RNF220: variants seen among roughly 807,000 people sequenced by gnomAD.
RNF220 encodes E3 ubiquitin-protein ligase RNF220.
Under a neutral mutation model 67.1 loss-of-function variants are expected in RNF220, and 7 were observed. The ratio of observed to expected loss-of-function variants is 0.10; its 90% CI spans 0.06 to 0.20. RNF220 has a LOEUF of 0.20. RNF220 is among the 10% of genes least tolerant of loss of function. The pLI is 1.00. For synonymous variants in RNF220, 270 were observed against 283.2 expected (o/e 0.95, Z 0.47); for missense variants, 565 against 740.3 (o/e 0.76, Z 2.75).
At chr1:44,637,660 A>G (rs1241577892) in intron 8 of RNF220, among the ~76,000 whole-genome samples, 1 of 152,234 alleles carries the variant, frequency 6.6e-6, no homozygotes. Context: ...TGATTTGACA[A>G]GAGTATTTCC....
At chr1:44,551,335 G>A (rs1041893265) in intron 2 of RNF220, among the ~76,000 whole-genome samples, 3 of 151,784 alleles carry the variant, frequency 2.0e-5, no homozygotes, top group Admixed American at 6.6e-5. Flanking sequence ...GGCTGGTCTC[G>A]AACTCCCGAC....
intron 2 of RNF220, among the ~76,000 whole-genome samples, chr1:44,421,731 TTC>T (rs952962223): frequency 1.4e-4 from 21 of 152,100 alleles, no homozygotes; most frequent in African/African-American, 4.8e-4. Context: ...CTCAGTGTTT[TTC>T]TCTTTGTAGA....
chr1:44,609,990 G>T (rs1172609372), intron 2 of RNF220, among the ~76,000 whole-genome samples: 1 of 152,206 alleles, frequency 6.6e-6, no homozygotes, highest in African/African-American at 2.4e-5. Context: ...GGCTGAGGAT[G>T]GGGTCAGAGC....
chr1:44,468,774 G>A (rs1400830396), intron 2 of RNF220, among the ~76,000 whole-genome samples: 4 of 152,008 alleles, frequency 2.6e-5, no homozygotes, highest in South Asian at 2.1e-4. Flanking sequence ...AAAATTAGCC[G>A]GGCATGGTGA....
chr1:44,550,372 G>A (rs575295379), intron 2 of RNF220, among the ~76,000 whole-genome samples: 1 of 152,314 alleles, frequency 6.6e-6, no homozygotes, highest in African/African-American at 2.4e-5. Context: ...GTGTCTCTCG[G>A]GCTGCACATT....
chr1:44,574,580 G>A (rs568452564), intron 2 of RNF220, among the ~76,000 whole-genome samples: 1 of 152,318 alleles, frequency 6.6e-6, no homozygotes, highest in East Asian at 1.9e-4. Flanking sequence ...AGAGCCTAAA[G>A]CCTGGCCCTT....
intron 2 of RNF220, among the ~76,000 whole-genome samples, chr1:44,556,457 G>T (rs756522243): frequency 8.0e-5 from 12 of 150,666 alleles, no homozygotes; most frequent in Non-Finnish European, 1.8e-4. Flanking sequence ...CTCTCTACCT[G>T]CTGTCCTCTG....
At position 44,649,742 on chromosome 1, in the gene RNF220, G is replaced by A. The variant is rs1293560556; in HGVS notation, c.1527G>A (p.Gly509=). The change falls in exon 13 of 15, where the codon GGG becomes GGA. Residue 509 remains glycine, a synonymous_variant. Coordinates refer to ENST00000361799, the MANE Select transcript of RNF220 (RefSeq NM_018150.4). This position sits in a 1 kb window ranked among gnomAD's most constrained non-coding sequence, Gnocchi z 5.9. ...AACTTGAACGGCAGCTATCTCGTGG[G>A]GACCGTTACAAATGCCTCATCTGCA... ...VRELERQLSR[G]DRYKCLICMD... The A allele has an allele frequency of 6.2e-7, 1 of 1,613,916 alleles. No homozygotes were observed. Among genetic ancestry groups the A allele is most frequent in the Non-Finnish European group, 8.5e-7 (1 of 1,179,972 alleles).
chr1:44,582,790 G>A (rs1359903874), intron 2 of RNF220, among the ~76,000 whole-genome samples: 1 of 148,116 alleles, frequency 6.8e-6, no homozygotes, highest in African/African-American at 2.5e-5. Context: ...TTGGGAGGCC[G>A]AGGCGGGTGG....
chr1:44,606,402 G>T lies in RNF220; in HGVS notation c.626-7763G>T, dbSNP rs12129788. Among the ~76,000 whole-genome samples the T allele has an allele frequency of 0.2, 31,024 of 152,140 alleles. 3,915 individuals are homozygous for T. The highest frequency in any genetic ancestry group is 0.29 in the Non-Finnish European group (19,694 of 67,946). Reference sequence around the variant, plus strand: ...GAGAAGGAGGAAGGGACTGAGTGAGGGGAGAGTGGATGAGTAATTAGGTGG... The same window carrying T: ...GAGAAGGAGGAAGGGACTGAGTGAGTGGAGAGTGGATGAGTAATTAGGTGG... On this transcript the variant is annotated intron_variant, in intron 2 of 14. Transcript: ENST00000361799. The surrounding 1 kb of genome is among the most constrained non-coding windows in gnomAD (Gnocchi z 4.2).
rs116751967 is a variant in RNF220 at position 44,546,960 on chromosome 1, A to G, written c.626-67205A>G. 3.6e-3 allele frequency among the ~76,000 whole-genome samples: 550 copies of G among 152,360 alleles called. 4 individuals are homozygous for G. Among genetic ancestry groups the G allele is most frequent in the African/African-American group, 0.013 (530 of 41,582 alleles). On this transcript the variant is annotated intron_variant, in intron 2 of 14. Coordinates refer to ENST00000361799, the MANE Select transcript of RNF220 (RefSeq NM_018150.4). Reference sequence around the variant, plus strand: ...GGCAGATGACACTAAGGAGGGGTTCAGCAAGTAAATAAGCAAAGGAAGAGA... The same window carrying G: ...GGCAGATGACACTAAGGAGGGGTTCGGCAAGTAAATAAGCAAAGGAAGAGA...
rs796131470 is a variant in RNF220, at chr1:44,520,128, T to TGTGAGA, written c.626-94036_626-94035insTGAGAG. Among the ~76,000 whole-genome samples, 446 of 113,424 alleles carry TGTGAGA rather than the reference T, an allele frequency of 3.9e-3. 6 individuals carry two copies. The highest frequency in any genetic ancestry group is 0.011 in the African/African-American group (355 of 31,130). The allele number at this position is 113,424 out of a possible 152,430, so 74.4% of individuals were successfully genotyped here. On this transcript the variant is annotated intron_variant, in intron 2 of 14. Coordinates refer to ENST00000361799, the MANE Select transcript of RNF220 (RefSeq NM_018150.4). ...GTGTGTGTGTGTGTGTGTGTGTGTG[T>TGTGAGA]GAGAGAGAGAGAGAGAGAAAGAGAG... is the stretch of plus-strand genomic sequence containing the variant.
At chr1:44,437,321 A>G (rs1435815579) in intron 2 of RNF220, among the ~76,000 whole-genome samples, 1 of 152,230 alleles carries the variant, frequency 6.6e-6, no homozygotes, top group Non-Finnish European at 1.5e-5. Flanking sequence ...AGGAGGAGCA[A>G]TTCTGATTGA....
chr1:44,650,102 A>T lies in RNF220; in HGVS notation c.1629+145A>T, dbSNP rs1644751564. 1 of 844,436 alleles carries T rather than the reference A, an allele frequency of 1.2e-6. No individual in the cohort carries two copies. 52.3% of individuals were successfully genotyped at this position (844,436 alleles called of 1,614,324 possible). On this transcript the variant is annotated intron_variant, in intron 14 of 14. Transcript: ENST00000361799. The surrounding 1 kb of genome is among the most constrained non-coding windows in gnomAD (Gnocchi z 4.3). ...AGGAGCCAGGATATTTACCCGCAGGATATTTACCCCCAGGCTCGCTGCCTC... is the reference window on the plus strand; with the variant it reads ...AGGAGCCAGGATATTTACCCGCAGGTTATTTACCCCCAGGCTCGCTGCCTC...
chr1:44,419,970 A>G (rs1366608401), intron 2 of RNF220: 1 of 152,242 alleles, frequency 6.6e-6, no homozygotes, highest in Non-Finnish European at 1.5e-5. Context: ...CCTATCGTGG[A>G]GTCCACACAT....
chr1:44,444,016 G>A (rs536143400), intron 2 of RNF220, among the ~76,000 whole-genome samples: 10 of 152,140 alleles, frequency 6.6e-5, no homozygotes, highest in Admixed American at 1.3e-4. Flanking sequence ...GCTTGAACCC[G>A]GGAGGTGGAG....
chr1:44,502,547 G>T (rs1455878488), intron 2 of RNF220, among the ~76,000 whole-genome samples: 4 of 152,144 alleles, frequency 2.6e-5, no homozygotes, highest in Non-Finnish European at 5.9e-5. Context: ...CCTTGTGTTA[G>T]ACATTGTGCC....
intron 2 of RNF220, among the ~76,000 whole-genome samples, chr1:44,538,464 C>T (rs1255780763): frequency 6.6e-6 from 1 of 152,192 alleles, no homozygotes; most frequent in Non-Finnish European, 1.5e-5. Flanking sequence ...TAGAAGTGAG[C>T]TGGCTGGTAT....
intron 2 of RNF220, among the ~76,000 whole-genome samples, chr1:44,557,105 GTATGTA>G (rs950791121): frequency 6.8e-6 from 1 of 146,858 alleles, no homozygotes; most frequent in Non-Finnish European, 1.5e-5. Context: ...GTGTATATAT[GTATGTA>G]TATGTATATA....
Sources: gnomAD v4.1 joint callset for allele counts (sites outside exome capture counted in the v4.1 genomes callset) on GRCh38, gnomAD v4.1.1 for gene constraint, Gnocchi (gnomAD v3.1) non-coding constraint, MANE v1.5 for transcripts, NCBI Gene and HGNC (gene_info 2026-07-23, HGNC 2026-07-21) for gene names.